SMARCA2: variants seen among roughly 807,000 people sequenced by gnomAD.
The protein encoded by SMARCA2 is SWI/SNF related BAF chromatin remodeling complex subunit ATPase 2, also known as SWI/SNF-related matrix-associated actin-dependent regulator of chromatin subfamily A member 2.
SMARCA2 carries 61 observed loss-of-function variants against 199.8 expected under a neutral mutation model. The ratio of observed to expected loss-of-function variants is 0.31; its 90% CI spans 0.25 to 0.38. SMARCA2 has a LOEUF of 0.38. Ranked by LOEUF, SMARCA2 falls within the 10% of genes least tolerant of loss-of-function variation. The pLI is 1.00. For synonymous variants in SMARCA2, 935 were observed against 732.0 expected (o/e 1.28, Z -4.48); for missense variants, 1,344 against 2,012.2 (o/e 0.67, Z 6.35).
At chr9:2,106,341 A>G (rs375851985) in intron 23 of SMARCA2, among the ~76,000 whole-genome samples, 23 of 152,240 alleles carry the variant, frequency 1.5e-4, no homozygotes, top group African/African-American at 2.4e-4. Flanking sequence ...AAAATTTTCA[A>G]TTGACTAATT....
At chr9:2,052,317 T>C (rs1820155369) in intron 5 of SMARCA2, among the ~76,000 whole-genome samples, 1 of 152,030 alleles carries the variant, frequency 6.6e-6, no homozygotes, top group Non-Finnish European at 1.5e-5. Flanking sequence ...CTACTAAAAA[T>C]ACAAAAATTA....
At chr9:2,084,433 G>C (rs966295906) in intron 17 of SMARCA2, among the ~76,000 whole-genome samples, 1 of 148,630 alleles carries the variant, frequency 6.7e-6, no homozygotes, top group Non-Finnish European at 1.5e-5. Context: ...ATTGATCCTG[G>C]GGCGGCTCTT....
At chr9:2,129,821 G>A (rs1272331193) in intron 27 of SMARCA2, among the ~76,000 whole-genome samples, 1 of 152,094 alleles carries the variant, frequency 6.6e-6, no homozygotes, top group Non-Finnish European at 1.5e-5. Context: ...GTCAAACATA[G>A]AAACTCCATG....
rs374826893 is a variant in SMARCA2, at chr9:2,029,140, G to A, written c.118G>A (p.Val40Ile). ...AGGACCAGGACCATCCCCAGGTTCC[G>A]TCCACAGCATGATGGGGCCAAGTCC... ...SPGPGPSPGS[V>I]HSMMGPSPGP... is the part of the protein sequence containing the mutation. Residue 40 changes from valine (V) to isoleucine (I), a missense_variant, in exon 2 of 34, where the codon GTC (valine) becomes ATC (isoleucine). Physicochemically the swap from Val to Ile is conservative, Grantham distance 29. This residue lies in a region of SMARCA2 where 275 missense variants were observed against 247.5 expected (regional missense o/e 1.11). Transcript: ENST00000349721. 62 of 1,612,060 alleles carry A rather than the reference G, an allele frequency of 3.8e-5. No individual in the cohort carries two copies. The highest frequency in any genetic ancestry group is 2.0e-4 in the East Asian group (9 of 44,882).
At chr9:2,080,587 T>A (rs1821526219) in intron 14 of SMARCA2, among the ~76,000 whole-genome samples, 1 of 152,168 alleles carries the variant, frequency 6.6e-6, no homozygotes. Context: ...TTATAATAAT[T>A]TCCCCTCTTT....
At chr9:2,072,998 T>C (rs781510338) in intron 10 of SMARCA2, 83 of 540,164 alleles carry the variant, frequency 1.5e-4, no homozygotes, top group Non-Finnish European at 2.2e-4. Flanking sequence ...CTGAGGTTTG[T>C]GCCTGTATCT....
At chr9:2,190,844 AGTTATCTACATGGT>A (rs1204259075) in intron 32 of SMARCA2, among the ~76,000 whole-genome samples, 1 of 152,224 alleles carries the variant, frequency 6.6e-6, no homozygotes, top group Admixed American at 6.5e-5. Context: ...AAGTCAATGG[AGTTATCTACATGGT>A]AAAATTATTG....
At position 2,070,404 on chromosome 9, in the gene SMARCA2, T is replaced by C; in HGVS notation, c.1693-14T>C. On this transcript the variant is annotated splice_polypyrimidine_tract_variant and intron_variant, in intron 9 of 33. Transcript: ENST00000349721. ...TCTTGGTTACTTATAACATTCGACA[T>C]TGTTGTTTTGCAGAAGGCTGAGGAG... 1 of 1,612,312 alleles carries C rather than the reference T, an allele frequency of 6.2e-7. No homozygotes were observed. The highest frequency in any genetic ancestry group is 1.3e-5 in the African/African-American group (1 of 74,980).
In SMARCA2 at chr9:2,058,462, A is replaced by T; in HGVS notation, c.1519A>T (p.Met507Leu). The T allele has an allele frequency of 6.2e-7, 1 of 1,613,798 alleles. No individual in the cohort carries two copies. The highest frequency in any genetic ancestry group is 8.5e-7 in the Non-Finnish European group (1 of 1,179,850). Residue 507 changes from methionine to leucine, a missense_variant and splice_region_variant, in exon 8 of 34, where the codon ATG becomes TTG. Physicochemically the swap from Met to Leu is conservative, Grantham distance 15. This residue lies in a region of SMARCA2 where 155 missense variants were observed against 260.0 expected (regional missense o/e 0.60). Coordinates refer to ENST00000349721, the MANE Select transcript of SMARCA2 (RefSeq NM_003070.5). ...TGAAAAGGAGAGAATGCGGCGACTGATGGTAAGGAACTCCCTGCAGGAGCC... is the reference window on the plus strand; with the variant it reads ...TGAAAAGGAGAGAATGCGGCGACTGTTGGTAAGGAACTCCCTGCAGGAGCC... The part of the protein sequence containing the change: ...RIEKERMRRL[M>L]AEDEEGYRKL...
intron 12 of SMARCA2, among the ~76,000 whole-genome samples, chr9:2,075,587 C>G (rs550798607): frequency 6.6e-6 from 1 of 152,216 alleles, no homozygotes; most frequent in African/African-American, 2.4e-5. Context: ...TCCAGGTCCT[C>G]TACAGTGGAC....
chr9:2,028,382 A>G (rs10964461), intron 1 of SMARCA2, among the ~76,000 whole-genome samples: 15,892 of 152,300 alleles, frequency 0.1, 963 homozygotes, highest in East Asian at 0.26. Flanking sequence ...AAGAAGAAAC[A>G]TTAAATAACG....
In SMARCA2 at chr9:2,150,731, G is replaced by T. The variant is rs569408281; in HGVS notation, c.3982-10955G>T. Among the ~76,000 whole-genome samples, 159 of 151,678 alleles carry T rather than the reference G, an allele frequency of 1.0e-3. 4 individuals are homozygous for T. The highest frequency in any genetic ancestry group is 1.5e-3 in the Non-Finnish European group (101 of 67,734). On this transcript the variant is annotated intron_variant, in intron 27 of 33. Coordinates refer to ENST00000349721, the MANE Select transcript of SMARCA2 (RefSeq NM_003070.5). ...CATTATAAAATACCACAGATTGGTGGTTTAAACAACAGAGATTTATTATCT... is the reference window on the plus strand; with the variant it reads ...CATTATAAAATACCACAGATTGGTGTTTTAAACAACAGAGATTTATTATCT...
intron 9 of SMARCA2, among the ~76,000 whole-genome samples, chr9:2,062,068 T>C (rs1820617592): frequency 1.3e-5 from 2 of 152,124 alleles, no homozygotes; most frequent in African/African-American, 4.8e-5. Context: ...CTTAAAAAGA[T>C]GTTTTCAGAG....
intron 27 of SMARCA2, among the ~76,000 whole-genome samples, chr9:2,127,041 C>G (rs925352473): frequency 6.6e-6 from 1 of 152,196 alleles, no homozygotes; most frequent in African/African-American, 2.4e-5. Flanking sequence ...CTGGATTGAA[C>G]TTTTCTACCT....
intron 1 of SMARCA2, among the ~76,000 whole-genome samples, chr9:2,026,723 A>T (rs772998475): frequency 2.6e-5 from 4 of 152,326 alleles, no homozygotes; most frequent in Admixed American, 1.3e-4. Flanking sequence ...CTAAAAAATA[A>T]AAGGGTGTAT....
At chr9:2,051,731 C>A (rs1399012007) in intron 5 of SMARCA2, among the ~76,000 whole-genome samples, 1 of 152,130 alleles carries the variant, frequency 6.6e-6, no homozygotes, top group Non-Finnish European at 1.5e-5. Flanking sequence ...GCGGAATAAC[C>A]AAATCATTGG....
intron 18 of SMARCA2, among the ~76,000 whole-genome samples, chr9:2,087,815 G>A (rs891348042): frequency 5.3e-5 from 8 of 152,192 alleles, no homozygotes; most frequent in Admixed American, 3.3e-4. Context: ...TTGATGTTGA[G>A]GCACATGGGC....
chr9:2,155,763 A>T, intron 27 of SMARCA2, among the ~76,000 whole-genome samples: 1 of 96,644 alleles, frequency 1.0e-5, no homozygotes, highest in Non-Finnish European at 1.9e-5. Context: ...TTTTTTCAAA[A>T]GTGATCTGAA....
chr9:2,077,477 A>G (rs1379408619), intron 13 of SMARCA2, 152 bp from the exon 14 acceptor site: 8 of 657,502 alleles, frequency 1.2e-5, no homozygotes, highest in African/African-American at 1.8e-5. Flanking sequence ...AGGATTACAG[A>G]TAGTGTATAT....
Sources: gnomAD v4.1 joint callset for allele counts (sites outside exome capture counted in the v4.1 genomes callset) on GRCh38, gnomAD v4.1.1 for gene constraint, gnomAD v4.1.1 regional missense constraint, MANE v1.5 for transcripts, NCBI Gene and HGNC (gene_info 2026-07-23, HGNC 2026-07-21) for gene names.